The following FAM193A variants were observed in gnomAD, a reference collection of about 807,000 sequenced individuals.
FAM193A encodes protein FAM193A.
Under a neutral mutation model 126.5 loss-of-function variants are expected in FAM193A, and 22 were observed. The observed-to-expected ratio is 0.17, with a 90% confidence interval of 0.12 to 0.25. The LOEUF (loss-of-function observed/expected upper bound fraction) is 0.25, where lower values mean the gene tolerates loss of function less well. Ranked by LOEUF, FAM193A falls within the 10% of genes least tolerant of loss-of-function variation. The pLI is 1.00. For missense variants in FAM193A, 1,675 were observed against 1,672.8 expected (o/e 1.00, Z -0.02); for synonymous variants, 761 against 646.8 (o/e 1.18, Z -2.68).
At chr4:2,688,648 A>C (rs1055720587) in intron 13 of FAM193A, among the ~76,000 whole-genome samples, 1 of 152,230 alleles carries the variant, frequency 6.6e-6, no homozygotes, top group African/African-American at 2.4e-5. Flanking sequence ...GGGGAGTGAC[A>C]TGCTCGAATT....
At chr4:2,560,184 C>G (rs1206952192) in intron 1 of FAM193A, among the ~76,000 whole-genome samples, 2 of 152,102 alleles carry the variant, frequency 1.3e-5, no homozygotes, top group African/African-American at 4.8e-5. Context: ...CTCAGGTGAT[C>G]CACCCGCCTC....
At chr4:2,710,177 C>CTTTTTTTTT in intron 19 of FAM193A, among the ~76,000 whole-genome samples, 1 of 73,854 alleles carries the variant, frequency 1.4e-5, no homozygotes, top group Non-Finnish European at 2.5e-5. Flanking sequence ...TTTTTTTTTT[C>CTTTTTTTTT]TTTTTTTTTT....
At chr4:2,566,968 C>G (rs1739001136) in intron 1 of FAM193A, among the ~76,000 whole-genome samples, 1 of 143,304 alleles carries the variant, frequency 7.0e-6, no homozygotes, top group Non-Finnish European at 1.5e-5. Flanking sequence ...GAGACGGAGT[C>G]TCGCTCTGTC....
At chr4:2,728,034 C>T (rs1047551845) in intron 20 of FAM193A, among the ~76,000 whole-genome samples, 4 of 151,920 alleles carry the variant, frequency 2.6e-5, no homozygotes, top group Non-Finnish European at 4.4e-5. Flanking sequence ...CGGGTTCAAG[C>T]GATGCTCCTG....
At chr4:2,693,348 G>T (rs1407478708) in intron 15 of FAM193A, among the ~76,000 whole-genome samples, 1 of 152,108 alleles carries the variant, frequency 6.6e-6, no homozygotes, top group East Asian at 1.9e-4. Flanking sequence ...CCAAACTGTC[G>T]ATGTTCTGAG....
intron 19 of FAM193A, among the ~76,000 whole-genome samples, chr4:2,700,863 G>T (rs1294192088): frequency 1.3e-5 from 2 of 152,134 alleles, no homozygotes; most frequent in African/African-American, 4.8e-5. Context: ...ACTCGGGGAG[G>T]CTGAGGCAGG....
At chr4:2,550,663 C>T (rs1737860966) in intron 1 of FAM193A, among the ~76,000 whole-genome samples, 2 of 150,738 alleles carry the variant, frequency 1.3e-5, no homozygotes, top group Admixed American at 1.3e-4. Context: ...CTTGAACTCC[C>T]AACCTGAGGT....
At chr4:2,629,033 T>C (rs1743273092) in intron 4 of FAM193A, among the ~76,000 whole-genome samples, 3 of 152,072 alleles carry the variant, frequency 2.0e-5, no homozygotes, top group African/African-American at 7.2e-5. Context: ...TTTGTATTTT[T>C]AGTAGAGACA....
intron 20 of FAM193A, among the ~76,000 whole-genome samples, chr4:2,728,159 G>A (rs1216214907): frequency 5.3e-5 from 8 of 150,926 alleles, no homozygotes; most frequent in Non-Finnish European, 7.4e-5. Context: ...TCGAACTCCC[G>A]ACCTCGGGTG....
chr4:2,676,452 A>G (rs1265559440), intron 13 of FAM193A, among the ~76,000 whole-genome samples: 1 of 152,184 alleles, frequency 6.6e-6, no homozygotes, highest in Non-Finnish European at 1.5e-5. Context: ...TTCATTGACT[A>G]TTCGTATATC....
intron 5 of FAM193A, among the ~76,000 whole-genome samples, chr4:2,638,413 C>T (rs1232257465): frequency 6.6e-6 from 1 of 152,214 alleles, no homozygotes; most frequent in Admixed American, 6.6e-5. Context: ...GCCCTGGTCT[C>T]CTGCCACGTG....
In FAM193A at chr4:2,700,385, C is replaced by T; in HGVS notation, c.4213C>T (p.His1405Tyr). The T allele has an allele frequency of 6.2e-7, 1 of 1,614,086 alleles. No homozygotes were observed. Among genetic ancestry groups the T allele is most frequent in the Non-Finnish European group, 8.5e-7 (1 of 1,180,036 alleles). The change falls in exon 19 of 21, where the codon CAC becomes TAC. Residue 1405 changes from histidine (H) to tyrosine (Y), a missense_variant. By Grantham distance (83) the His-to-Tyr change is moderately conservative. This residue lies in a region of FAM193A where 415 missense variants were observed against 396.7 expected (regional missense o/e 1.05). Transcript: ENST00000637812. ...TAACAATAACAAAAAGCAGCTGAAC[C>T]ACATCAAGGACGAAAAGTCAAACCC... ...SNNNNKKQLN[H>Y]IKDEKSNPTP...
chr4:2,621,820 G>A (rs1342448439), intron 2 of FAM193A, among the ~76,000 whole-genome samples: 3 of 152,084 alleles, frequency 2.0e-5, no homozygotes, highest in Non-Finnish European at 4.4e-5. Flanking sequence ...GAAGGGAACG[G>A]ACTCGCTTAG....
chr4:2,725,541 A>G (rs1201901635), intron 20 of FAM193A, among the ~76,000 whole-genome samples: 2 of 151,196 alleles, frequency 1.3e-5, no homozygotes, highest in Admixed American at 1.3e-4. Flanking sequence ...CCCCACCTCA[A>G]GCTGAGTAAT....
At chr4:2,586,417 A>T (rs1258324261) in intron 1 of FAM193A, among the ~76,000 whole-genome samples, 2 of 151,818 alleles carry the variant, frequency 1.3e-5, no homozygotes. Context: ...ATGGTGTGAG[A>T]TAGGGGCCCA....
At chr4:2,590,495 ACAAAAAAAAACAAAAAAAAAAC>A (rs1740494518) in intron 1 of FAM193A, among the ~76,000 whole-genome samples, 1 of 97,994 alleles carries the variant, frequency 1.0e-5, no homozygotes, top group African/African-American at 6.8e-5. Context: ...ACAAAAAAAA[ACAAAAAAAAACAAAAAAAAAAC>A]AAAACAAAAT....
chr4:2,562,643 T>G (rs1738693878), intron 1 of FAM193A, among the ~76,000 whole-genome samples: 1 of 152,016 alleles, frequency 6.6e-6, no homozygotes, highest in African/African-American at 2.4e-5. Flanking sequence ...TTTGTTTTTT[T>G]TTTTTTAGAC....
intron 13 of FAM193A, among the ~76,000 whole-genome samples, chr4:2,673,695 G>C (rs1714078428): frequency 6.6e-6 from 1 of 152,156 alleles, no homozygotes; most frequent in Non-Finnish European, 1.5e-5. Flanking sequence ...TCCACTCCCT[G>C]CTGTAGCCTG....
intron 5 of FAM193A, among the ~76,000 whole-genome samples, chr4:2,638,860 C>T (rs1434227643): frequency 6.6e-6 from 1 of 152,188 alleles, no homozygotes; most frequent in Non-Finnish European, 1.5e-5. Flanking sequence ...CAGGAGCAGA[C>T]CTCTAAACCC....
Sources: gnomAD v4.1 joint callset for allele counts (sites outside exome capture counted in the v4.1 genomes callset) on GRCh38, gnomAD v4.1.1 for gene constraint, gnomAD v4.1.1 regional missense constraint, MANE v1.5 for transcripts, NCBI Gene and HGNC (gene_info 2026-07-23, HGNC 2026-07-21) for gene names.